The following NEDD4L variants were observed in gnomAD, a reference collection of about 807,000 sequenced individuals.
NEDD4L encodes the protein E3 ubiquitin-protein ligase NEDD4-like.
NEDD4L carries 54 observed loss-of-function variants against 148.9 expected under a neutral mutation model. The ratio of observed to expected loss-of-function variants is 0.36; its 90% confidence interval spans 0.29 to 0.45. The LOEUF (loss-of-function observed/expected upper bound fraction) is 0.45. NEDD4L is among the 20% of genes least tolerant of loss of function. NEDD4L has a pLI of 1.00. For missense variants in NEDD4L, 856 were observed against 1,233.8 expected, an observed-to-expected ratio of 0.69 and a Z score of 4.59; for synonymous variants, 433 against 440.7, an observed-to-expected ratio of 0.98 and a Z score of 0.22.
intron 5 of NEDD4L, among the ~76,000 whole-genome samples, chr18:58,275,782 T>C (rs1422632664): frequency 6.9e-6 from 1 of 145,742 alleles, no homozygotes; most frequent in East Asian, 1.9e-4. Context: ...TGGAGAAGGA[T>C]GGAATGGCTG....
At chr18:58,279,875 A>G (rs2052738065) in intron 5 of NEDD4L, among the ~76,000 whole-genome samples, 1 of 152,230 alleles carries the variant, frequency 6.6e-6, no homozygotes, top group Non-Finnish European at 1.5e-5. Context: ...AATAAGCATT[A>G]TACACTTAGT....
At chr18:58,060,276 G>A (rs1217149513) in intron 1 of NEDD4L, among the ~76,000 whole-genome samples, 1 of 152,184 alleles carries the variant, frequency 6.6e-6, no homozygotes, top group Non-Finnish European at 1.5e-5. Flanking sequence ...GGCACCTTGA[G>A]AAACCTGTTG....
intron 18 of NEDD4L, among the ~76,000 whole-genome samples, chr18:58,352,774 C>A (rs1476502756): frequency 3.3e-5 from 5 of 152,220 alleles, no homozygotes; most frequent in African/African-American, 9.6e-5. Flanking sequence ...GGTAACACAT[C>A]CTGGTCTGTG....
At chr18:58,230,713 G>A (rs1478413839) in intron 2 of NEDD4L, among the ~76,000 whole-genome samples, 1 of 152,098 alleles carries the variant, frequency 6.6e-6, no homozygotes, top group Non-Finnish European at 1.5e-5. Context: ...CAGGTATGAG[G>A]TAAACACACT....
intron 28 of NEDD4L, among the ~76,000 whole-genome samples, chr18:58,389,778 A>G (rs1464403016): frequency 1.3e-5 from 2 of 151,194 alleles, no homozygotes; most frequent in Non-Finnish European, 2.9e-5. Flanking sequence ...AAAAAGGCTG[A>G]TTATTTACTT....
chr18:58,123,954 C>T (rs2030520196), intron 1 of NEDD4L, among the ~76,000 whole-genome samples: 3 of 152,180 alleles, frequency 2.0e-5, no homozygotes, highest in African/African-American at 7.2e-5. Flanking sequence ...TTCCTTTCTT[C>T]CGCATCCTTC....
At chr18:58,063,676 C>T (rs1206137563) in intron 1 of NEDD4L, among the ~76,000 whole-genome samples, 1 of 151,716 alleles carries the variant, frequency 6.6e-6, no homozygotes, top group Non-Finnish European at 1.5e-5. Flanking sequence ...AGTGATTCTC[C>T]TGCCTCAGCC....
intron 2 of NEDD4L, among the ~76,000 whole-genome samples, chr18:58,207,985 G>T (rs2042140997): frequency 6.6e-6 from 1 of 152,150 alleles, no homozygotes; most frequent in South Asian, 2.1e-4. Context: ...GGAGGTTGCA[G>T]TGAGCCAAGG....
chr18:58,166,439 G>A (rs1474070095), intron 2 of NEDD4L, among the ~76,000 whole-genome samples: 7 of 152,172 alleles, frequency 4.6e-5, no homozygotes, highest in Non-Finnish European at 1.0e-4. Flanking sequence ...TTGGCTGTCA[G>A]CAATGTGTTG....
intron 5 of NEDD4L, among the ~76,000 whole-genome samples, chr18:58,253,384 G>A (rs1184022019): frequency 1.3e-5 from 2 of 152,166 alleles, no homozygotes; most frequent in East Asian, 3.8e-4. Context: ...ACAGATTTTG[G>A]CCTACCATCC....
At chr18:58,383,113 G>A (rs1345670433) in intron 24 of NEDD4L, 133 bp from the exon 25 acceptor site, 5 of 623,802 alleles carry the variant, frequency 8.0e-6, no homozygotes, top group Non-Finnish European at 1.5e-5. Context: ...ATTCTCTTGT[G>A]CACAGAGCCC....
At chr18:58,341,215 G>A (rs367586754) in intron 14 of NEDD4L, 46 bp downstream of exon 14, 513 of 1,599,792 alleles carry the variant, frequency 3.2e-4, no homozygotes, top group Non-Finnish European at 4.1e-4. Flanking sequence ...CATAGAAGCC[G>A]AAATGTACAT....
chr18:58,288,390 A>G (rs976778867), intron 5 of NEDD4L, among the ~76,000 whole-genome samples: 4 of 152,240 alleles, frequency 2.6e-5, no homozygotes. Context: ...ATAAAATTCT[A>G]AAAGGAATAA....
chr18:58,322,108 G>A (rs576179804), intron 6 of NEDD4L, among the ~76,000 whole-genome samples: 5 of 152,336 alleles, frequency 3.3e-5, no homozygotes, highest in East Asian at 1.9e-4. Flanking sequence ...ACTGGTGACC[G>A]CTGGTTCTCC....
chr18:58,046,500 G>C (rs1284143992), intron 1 of NEDD4L: 1 of 152,134 alleles, frequency 6.6e-6, no homozygotes, highest in Non-Finnish European at 1.5e-5. Flanking sequence ...CCGAAAAAAC[G>C]ATTTTAAGAG....
intron 1 of NEDD4L, among the ~76,000 whole-genome samples, chr18:58,082,103 T>TATA (rs1491360930): frequency 3.7e-4 from 20 of 53,924 alleles, no homozygotes; most frequent in African/African-American, 1.9e-3. Flanking sequence ...TATATATATA[T>TATA]TTTTTTTTTT....
At chr18:58,264,351 CAT>C (rs1491289718) in intron 5 of NEDD4L, among the ~76,000 whole-genome samples, 2 of 152,048 alleles carry the variant, frequency 1.3e-5, no homozygotes, top group African/African-American at 4.8e-5. Flanking sequence ...TGCAGTATGG[CAT>C]TTTTCTCCAG....
rs555765719 is a variant in NEDD4L, at chr18:58,311,007, T to C, written c.298-4975T>C. Among the ~76,000 whole-genome samples the C allele has an allele frequency of 5.9e-5, 9 of 151,400 alleles. No homozygotes were observed. The East Asian group carries it at 1.7e-3, about 29-fold the overall frequency. On this transcript the variant is annotated intron_variant, in intron 5 of 30. Transcript: ENST00000400345. Reference sequence around the variant, plus strand: ...TTCCCTTCCATTTGTCTTAAGAAACTCTAAACCTTTTTTTTTTTGGAAATC... The same window carrying C: ...TTCCCTTCCATTTGTCTTAAGAAACCCTAAACCTTTTTTTTTTTGGAAATC...
At chr18:58,308,901 A>C (rs1310087812) in intron 5 of NEDD4L, among the ~76,000 whole-genome samples, 1 of 152,206 alleles carries the variant, frequency 6.6e-6, no homozygotes, top group East Asian at 1.9e-4. Context: ...GCTGACAAGA[A>C]GCGTCCCTGA....
Sources: gnomAD v4.1 joint callset for allele counts (sites outside exome capture counted in the v4.1 genomes callset) on GRCh38, gnomAD v4.1.1 for gene constraint, MANE v1.5 for transcripts, NCBI Gene and HGNC (gene_info 2026-07-23, HGNC 2026-07-21) for gene names.